The following DNM3 variants were observed in gnomAD, a reference collection of about 807,000 sequenced individuals.
DNM3 encodes the protein dynamin 3.
DNM3 carries 47 observed loss-of-function variants against 101.6 expected under a neutral mutation model. The ratio of observed to expected loss-of-function variants is 0.46; its 90% CI spans 0.37 to 0.59. The LOEUF (loss-of-function observed/expected upper bound fraction) is 0.59, where lower values mean the gene tolerates loss of function less well. DNM3 is among the 20% of genes least tolerant of loss of function. The probability of loss-of-function intolerance (pLI) is 0.00; values close to 1 mark genes in which losing one functional copy is unlikely to be tolerated. For missense variants in DNM3, 849 were observed against 1,085.7 expected (o/e 0.78, Z 3.06); for synonymous variants, 385 against 387.9 (o/e 0.99, Z 0.09).
chr1:172,196,040 TG>T (rs1253616971), intron 14 of DNM3, among the ~76,000 whole-genome samples: 1 of 151,844 alleles, frequency 6.6e-6, no homozygotes, highest in African/African-American at 2.4e-5. Context: ...TTATCTTTTT[TG>T]CTCATCTCCC....
At chr1:172,295,159 A>G (rs2064105722) in intron 15 of DNM3, among the ~76,000 whole-genome samples, 2 of 152,164 alleles carry the variant, frequency 1.3e-5, no homozygotes, top group African/African-American at 4.8e-5. Flanking sequence ...CAACCCAAAG[A>G]AGCCTCTATG....
At chr1:172,214,049 T>C (rs2060607503) in intron 14 of DNM3, among the ~76,000 whole-genome samples, 1 of 152,132 alleles carries the variant, frequency 6.6e-6, no homozygotes, top group Non-Finnish European at 1.5e-5. Context: ...GCCAAAGGAA[T>C]CACTTAAAAA....
At chr1:172,353,676 A>G (rs2067295150) in intron 17 of DNM3, among the ~76,000 whole-genome samples, 1 of 152,096 alleles carries the variant, frequency 6.6e-6, no homozygotes, top group African/African-American at 2.4e-5. Context: ...GAACGCTCTC[A>G]ATTTATTGTA....
At chr1:172,298,432 A>G (rs2064268671) in intron 15 of DNM3, among the ~76,000 whole-genome samples, 1 of 152,162 alleles carries the variant, frequency 6.6e-6, no homozygotes. Context: ...ATTAGAGTAG[A>G]AAAACTTAGC....
At chr1:172,096,034 C>T (rs1292740373) in intron 13 of DNM3, among the ~76,000 whole-genome samples, 2 of 152,264 alleles carry the variant, frequency 1.3e-5, no homozygotes, top group East Asian at 1.9e-4. Flanking sequence ...GCCCACAGCT[C>T]AGCGGGGATG....
At chr1:172,193,967 G>A (rs1202709193) in intron 14 of DNM3, among the ~76,000 whole-genome samples, 1 of 151,784 alleles carries the variant, frequency 6.6e-6, no homozygotes, top group Admixed American at 6.6e-5. Flanking sequence ...TGTCAATTTT[G>A]GATCTCTCCT....
intron 16 of DNM3, chr1:172,310,103 A>G (rs2065017632): frequency 6.6e-6 from 1 of 152,252 alleles, no homozygotes; most frequent in Non-Finnish European, 1.5e-5. Flanking sequence ...TTCTCCTGTT[A>G]TATGCGTAGA....
intron 17 of DNM3, among the ~76,000 whole-genome samples, chr1:172,369,333 T>TA (rs2068197753): frequency 6.6e-6 from 1 of 151,906 alleles, no homozygotes; most frequent in South Asian, 2.1e-4. Flanking sequence ...TACAAATCAA[T>TA]AAATGTGGTA....
At chr1:172,407,598 A>T (rs1048574906) in intron 20 of DNM3, among the ~76,000 whole-genome samples, 174 bp from the exon 21 acceptor site, 1 of 152,000 alleles carries the variant, frequency 6.6e-6, no homozygotes, top group East Asian at 1.9e-4. Context: ...ATTTTCATTA[A>T]AACTACTAGA....
In DNM3 at chr1:171,841,517, G is replaced by A. The variant is rs2031172980; in HGVS notation, c.-140G>A. 4.1e-6 allele frequency: 5 copies of A among 1,218,772 alleles called. No individual in the cohort carries two copies. The highest frequency in any genetic ancestry group is 4.4e-6 in the Non-Finnish European group (4 of 917,866). The allele number at this position is 1,218,772 out of a possible 1,614,324, so 75.5% of individuals were successfully genotyped here. A position where few individuals can be genotyped will look rare whatever the true frequency, so the allele number is the denominator to read the frequency against. Reference sequence around the variant, plus strand: ...GCTGTCAGAGCCAAGCGGCGGGCTGGCGGCGGGCTCCGACGTCTGCGCCAG... The same window carrying A: ...GCTGTCAGAGCCAAGCGGCGGGCTGACGGCGGGCTCCGACGTCTGCGCCAG... On this transcript the variant is annotated 5_prime_UTR_variant, in exon 1 of 21. Transcript: ENST00000627582.
At chr1:172,119,339 G>A (rs1190887041) in intron 13 of DNM3, among the ~76,000 whole-genome samples, 1 of 151,984 alleles carries the variant, frequency 6.6e-6, no homozygotes, top group Non-Finnish European at 1.5e-5. Context: ...CTTAAAACCA[G>A]TGAAAAAAAT....
chr1:172,264,735 C>A (rs1303502296), intron 15 of DNM3, among the ~76,000 whole-genome samples: 2 of 152,146 alleles, frequency 1.3e-5, no homozygotes, highest in Non-Finnish European at 2.9e-5. Context: ...TTTCCAGAAC[C>A]TTATAGATAA....
In DNM3 at chr1:172,409,031, T is replaced by A. The variant is rs945378359; in HGVS notation, c.*1190T>A. The A allele has an allele frequency of 5.1e-6, 5 of 985,246 alleles. No homozygotes were observed. The African/African-American group carries it at 8.7e-5, about 17-fold the overall frequency. 61.0% of individuals were successfully genotyped at this position (985,246 alleles called of 1,614,324 possible). ...TGAAACGTTGAAATCTAAAGCAAAT[T>A]TGCAATTTCTTAAGATTTCTAAAAT... On this transcript the variant is annotated 3_prime_UTR_variant, in exon 21 of 21. Coordinates refer to ENST00000627582, the MANE Select transcript of DNM3 (RefSeq NM_015569.5).
In DNM3 at chr1:171,860,731, GA is replaced by G. The variant is rs1162035456; in HGVS notation, c.161+18917del. Among the ~76,000 whole-genome samples, 6 of 151,898 alleles carry G rather than the reference GA, an allele frequency of 4.0e-5. No individual in the cohort carries two copies. The East Asian group carries it at 1.2e-3, about 30-fold the overall frequency. On this transcript the variant is annotated intron_variant, in intron 1 of 20. Coordinates refer to ENST00000627582, the MANE Select transcript of DNM3 (RefSeq NM_015569.5). Reference sequence around the variant, plus strand: ...TATCTTTGATTAGGGAGTGGCAGTGGAAATGGAAAGAAGTATAAAGAGTCTA... The same window carrying G: ...TATCTTTGATTAGGGAGTGGCAGTGGAATGGAAAGAAGTATAAAGAGTCTA...
chr1:171,987,844 A>T, intron 3 of DNM3, 39 bp downstream of exon 3: 1 of 1,500,490 alleles, frequency 6.7e-7, no homozygotes, highest in Non-Finnish European at 8.9e-7. Flanking sequence ...TTCTCCTCAA[A>T]CATTTATACT....
At chr1:172,012,238 C>T (rs1214190506) in intron 4 of DNM3, among the ~76,000 whole-genome samples, 1 of 151,946 alleles carries the variant, frequency 6.6e-6, no homozygotes. Context: ...ATCTTGTCAC[C>T]CTTAGGGACG....
Position 172,040,991 on chromosome 1 carries a change from G to A in DNM3, c.993-1018G>A, listed in dbSNP as rs566524455. On this transcript the variant is annotated intron_variant, in intron 7 of 20. Transcript: ENST00000627582. ...CCAGACCATAAAATGCTGGGAGATG[G>A]GCTAAAGAGTTTTGATTGTATTATC... is the stretch of plus-strand genomic sequence containing the variant. 7.2e-5 allele frequency among the ~76,000 whole-genome samples: 11 copies of A among 152,196 alleles called. No homozygotes were observed. The South Asian group carries it at 2.3e-3, about 32-fold the overall frequency.
In DNM3 at chr1:171,989,155, G is replaced by A; in HGVS notation, c.589+7G>A. 6.2e-7 allele frequency: 1 copy of A among 1,611,466 alleles called. No individual in the cohort carries two copies. Among genetic ancestry groups the A allele is most frequent in the Non-Finnish European group, 8.5e-7 (1 of 1,178,514 alleles). On this transcript the variant is annotated splice_region_variant and intron_variant, in intron 4 of 20. Transcript: ENST00000627582. ...AAAGAAGTTGATCCTCAAGGTGAGT[G>A]TGTGACTACTAAGATGAGAAGGAAT...
intron 13 of DNM3, among the ~76,000 whole-genome samples, chr1:172,127,414 T>TATTATC (rs1216148240): frequency 2.4e-4 from 35 of 147,966 alleles, no homozygotes; most frequent in Admixed American, 1.2e-3. Flanking sequence ...TTATTATTAT[T>TATTATC]ATTATTATTA....
Sources: allele counts gnomAD v4.1 joint callset (sites outside exome capture counted in the v4.1 genomes callset), GRCh38; gene constraint gnomAD v4.1.1; transcripts MANE v1.5; gene names NCBI Gene and HGNC (gene_info 2026-07-23, HGNC 2026-07-21).